The following BCR variants were observed in gnomAD, a reference collection of about 807,000 sequenced individuals.
The protein encoded by BCR is BCR activator of RhoGEF and GTPase.
In BCR, 58 loss-of-function variants were observed where a neutral mutation model predicts 138.6. That is an observed-to-expected ratio of 0.42 (90% CI 0.34 to 0.52). The LOEUF (loss-of-function observed/expected upper bound fraction) is 0.52, where lower values mean the gene tolerates loss of function less well. Ranked by LOEUF, BCR falls within the 20% of genes least tolerant of loss-of-function variation. BCR has a pLI of 0.06. For synonymous variants in BCR, 786 were observed against 730.1 expected (o/e 1.08, Z -1.23); for missense variants, 1,599 against 1,727.2 (o/e 0.93, Z 1.32).
Position 23,284,916 on chromosome 22 carries a change from T to C in BCR, c.2238-117T>C, listed in dbSNP as rs532539924. 6.4e-5 allele frequency: 75 copies of C among 1,169,734 alleles called. 1 individual carries two copies. The South Asian group carries it at 1.1e-3, about 18-fold the overall frequency. 72.5% of individuals were successfully genotyped at this position (1,169,734 alleles called of 1,614,324 possible). On this transcript the variant is annotated intron_variant, in intron 9 of 22. Transcript: ENST00000305877. ...TGTCCCATGGAACACGTGCTGGGTT[T>C]TAGGTCAGGTAAACCATGTATGGCC... is the stretch of plus-strand genomic sequence containing the variant.
intron 1 of BCR, among the ~76,000 whole-genome samples, chr22:23,190,772 G>C (rs1041272833): frequency 6.6e-5 from 10 of 152,102 alleles, no homozygotes; most frequent in South Asian, 6.2e-4. Context: ...AGGCAGCCTA[G>C]AGGGGCCTAG....
intron 1 of BCR, chr22:23,217,005 C>T (rs957533697): frequency 1.3e-5 from 6 of 448,624 alleles, no homozygotes; most frequent in African/African-American, 2.0e-5. Context: ...CTGGACTCTA[C>T]CTCTTGATGG....
chr22:23,204,815 G>A (rs2072593688), intron 1 of BCR, among the ~76,000 whole-genome samples: 1 of 152,190 alleles, frequency 6.6e-6, no homozygotes, highest in South Asian at 2.1e-4. Flanking sequence ...TGGGGGAGAC[G>A]GCAGCATGGG....
chr22:23,277,477 G>A (rs1324003372), intron 8 of BCR, among the ~76,000 whole-genome samples: 1 of 152,206 alleles, frequency 6.6e-6, no homozygotes, highest in Non-Finnish European at 1.5e-5. Context: ...AAGAGGAAGA[G>A]ATGTCCCTTT....
intron 1 of BCR, among the ~76,000 whole-genome samples, chr22:23,247,868 C>T (rs2073173225): frequency 6.6e-6 from 1 of 152,188 alleles, no homozygotes; most frequent in Admixed American, 6.5e-5. Context: ...CAAGGTTCAT[C>T]CATGAGATTG....
intron 1 of BCR, among the ~76,000 whole-genome samples, chr22:23,240,008 C>T (rs1382301997): frequency 6.6e-6 from 1 of 151,926 alleles, no homozygotes; most frequent in African/African-American, 2.4e-5. Context: ...TGTAGAGACA[C>T]GTTCTTGTTA....
intron 12 of BCR, 73 bp from the exon 13 acceptor site, chr22:23,289,444 A>G: frequency 1.6e-6 from 2 of 1,270,460 alleles, no homozygotes; most frequent in Admixed American, 1.8e-5. Context: ...TGTGTGGTGG[A>G]GGTCCAGTGG....
At chr22:23,192,787 G>C (rs1430684852) in intron 1 of BCR, among the ~76,000 whole-genome samples, 1 of 152,220 alleles carries the variant, frequency 6.6e-6, no homozygotes, top group Non-Finnish European at 1.5e-5. Context: ...ACAGTGGTCT[G>C]TTGTGCAGGT....
intron 2 of BCR, among the ~76,000 whole-genome samples, chr22:23,255,170 T>C (rs1293782966): frequency 6.6e-6 from 1 of 152,242 alleles, no homozygotes; most frequent in South Asian, 2.1e-4. Flanking sequence ...CGCCTGGGAC[T>C]GCTGCTTACG....
chr22:23,277,405 C>T (rs772628572), intron 8 of BCR, among the ~76,000 whole-genome samples: 1 of 152,208 alleles, frequency 6.6e-6, no homozygotes, highest in Non-Finnish European at 1.5e-5. Flanking sequence ...TCCCTTCCTC[C>T]TCTGTGAGCC....
intron 1 of BCR, among the ~76,000 whole-genome samples, chr22:23,211,409 A>G (rs1297018083): frequency 6.6e-6 from 1 of 151,954 alleles, no homozygotes; most frequent in African/African-American, 2.4e-5. Context: ...TGTGTTAGCC[A>G]GGATGGTCTC....
At chr22:23,270,787 A>C (rs975142119) in intron 5 of BCR, among the ~76,000 whole-genome samples, 1 of 152,364 alleles carries the variant, frequency 6.6e-6, no homozygotes, top group South Asian at 2.1e-4. Context: ...TTAGGCACAC[A>C]GGGATCTTTT....
rs1457503277 is a variant in BCR, at chr22:23,180,965, T to C, written c.5T>C (p.Val2Ala). 4 of 1,367,370 alleles carry C rather than the reference T, an allele frequency of 2.9e-6. No homozygotes were observed. The highest frequency in any genetic ancestry group is 4.7e-5 in the Admixed American group (2 of 42,588). 84.7% of individuals were successfully genotyped at this position (1,367,370 alleles called of 1,614,324 possible). The change falls in exon 1 of 23, where the codon GTG (valine) becomes GCG (alanine). Residue 2 changes from valine to alanine, a missense_variant. Physicochemically the swap from Val to Ala is moderately conservative, Grantham distance 64. This residue lies in a region of BCR where 806 missense variants were observed against 635.0 expected (regional missense o/e 1.27). Coordinates refer to ENST00000305877, the MANE Select transcript of BCR (RefSeq NM_004327.4). ...GCAGGTAAGGCCGGCCGCGCCATGGTGGACCCGGTGGGCTTCGCGGAGGCG... is the reference window on the plus strand; with the variant it reads ...GCAGGTAAGGCCGGCCGCGCCATGGCGGACCCGGTGGGCTTCGCGGAGGCG... M[V>A]DPVGFAEAWK...
At chr22:23,251,593 A>G (rs2073229346) in intron 1 of BCR, among the ~76,000 whole-genome samples, 1 of 152,230 alleles carries the variant, frequency 6.6e-6, no homozygotes, top group African/African-American at 2.4e-5. Context: ...GACTGACAAC[A>G]GTCTCCACTT....
intron 1 of BCR, among the ~76,000 whole-genome samples, chr22:23,211,972 C>T (rs1272390353): frequency 5.3e-5 from 8 of 152,102 alleles, no homozygotes; most frequent in Non-Finnish European, 1.0e-4. Flanking sequence ...TTCCCACTTC[C>T]CACTGTCTGC....
chr22:23,262,562 C>T (rs989361890), intron 4 of BCR, among the ~76,000 whole-genome samples: 6 of 152,226 alleles, frequency 3.9e-5, no homozygotes, highest in Non-Finnish European at 5.9e-5. Flanking sequence ...CCCCCACCCC[C>T]GTTTCTCCGT....
intron 1 of BCR, among the ~76,000 whole-genome samples, chr22:23,211,967 A>T (rs1220156490): frequency 6.6e-6 from 1 of 151,594 alleles, no homozygotes; most frequent in Non-Finnish European, 1.5e-5. Flanking sequence ...CCCTGTTCCC[A>T]CTTCCCACTG....
intron 1 of BCR, among the ~76,000 whole-genome samples, chr22:23,246,467 T>C (rs1300086145): frequency 6.6e-6 from 1 of 152,194 alleles, no homozygotes; most frequent in African/African-American, 2.4e-5. Context: ...TACAAGTTTT[T>C]GTTTGAACAC....
rs1209516533 is a variant in BCR, at chr22:23,185,373, A to G, written c.1279+3134A>G. On this transcript the variant is annotated intron_variant, in intron 1 of 22. Transcript: ENST00000305877. ...CGGCTGTGAGCCCTGCTGTAAAACTATGCAGAACCCGGCCGGGCGCGGTGG... is the reference window on the plus strand; with the variant it reads ...CGGCTGTGAGCCCTGCTGTAAAACTGTGCAGAACCCGGCCGGGCGCGGTGG... 2.0e-5 allele frequency among the ~76,000 whole-genome samples: 3 copies of G among 152,154 alleles called. No homozygotes were observed. The South Asian group carries it at 6.2e-4, about 32-fold the overall frequency.
Sources: allele counts gnomAD v4.1 joint callset (sites outside exome capture counted in the v4.1 genomes callset), GRCh38; gene constraint gnomAD v4.1.1; regional missense constraint gnomAD v4.1.1; transcripts MANE v1.5; gene names NCBI Gene and HGNC (gene_info 2026-07-23, HGNC 2026-07-21).